GPHN: variants seen among roughly 807,000 people sequenced by gnomAD.
GPHN encodes the protein gephyrin.
A neutral mutation model predicts 95.5 loss-of-function variants in GPHN; 17 were observed. The observed-to-expected ratio is 0.18, with a 90% CI of 0.12 to 0.27. The LOEUF is 0.27. Among genes scored for constraint, GPHN ranks in the 10% least tolerant of loss-of-function variants. The probability of loss-of-function intolerance (pLI) is 1.00; values close to 1 mark genes in which losing one functional copy is unlikely to be tolerated. For synonymous variants in GPHN, 320 were observed against 322.5 expected, an observed-to-expected ratio of 0.99 and a Z score of 0.08; for missense variants, 660 against 978.1, an observed-to-expected ratio of 0.67 and a Z score of 4.34.
the GPHN span, chr14:67,559,639 T>C: frequency 1.2e-6 from 2 of 1,605,116 alleles, no homozygotes; most frequent in Non-Finnish European, 1.7e-6. Flanking sequence ...GCAAAAACTG[T>C]TCAAGAAAAA....
At chr14:67,076,826 A>G (rs972859533) in intron 11 of GPHN, among the ~76,000 whole-genome samples, 1 of 152,134 alleles carries the variant, frequency 6.6e-6, no homozygotes, top group Admixed American at 6.6e-5. Context: ...TCAGCATTCT[A>G]TTACCTACCA....
At chr14:67,328,520 G>A in the GPHN span, among the ~76,000 whole-genome samples, 2 of 152,124 alleles carry the variant, frequency 1.3e-5, no homozygotes, top group Admixed American at 6.5e-5. Context: ...TGTTGCCATT[G>A]CTTTTGGTGT....
the GPHN span, chr14:67,663,089 A>G: frequency 2.7e-6 from 4 of 1,494,880 alleles, no homozygotes; most frequent in African/African-American, 1.4e-5. Context: ...GGCACCGGCA[A>G]TGACTTGAAC....
At chr14:66,508,776 C>A (rs1226185804) in intron 1 of GPHN, among the ~76,000 whole-genome samples, 185 bp downstream of exon 1, 1 of 152,192 alleles carries the variant, frequency 6.6e-6, no homozygotes, top group Non-Finnish European at 1.5e-5. Flanking sequence ...CGGGTCCCCT[C>A]CCCCAGGCCC....
At chr14:66,807,643 C>T (rs2060599923) in intron 3 of GPHN, among the ~76,000 whole-genome samples, 1 of 152,224 alleles carries the variant, frequency 6.6e-6, no homozygotes, top group African/African-American at 2.4e-5. Flanking sequence ...ACCTTCCCTT[C>T]TCCCAAAGGT....
chr14:67,009,757 G>A (rs1357000186), intron 9 of GPHN, among the ~76,000 whole-genome samples: 1 of 151,750 alleles, frequency 6.6e-6, no homozygotes, highest in South Asian at 2.1e-4. Flanking sequence ...GAGTTTCTGG[G>A]GTTTTTTATT....
chr14:67,086,649 C>CGAA (rs1555487041), intron 11 of GPHN, among the ~76,000 whole-genome samples: 2 of 84,588 alleles, frequency 2.4e-5, no homozygotes, highest in Non-Finnish European at 4.6e-5. Context: ...GACTCTGTCT[C>CGAA]AAAAAAAAAA....
At chr14:67,274,090 G>T in the GPHN span, among the ~76,000 whole-genome samples, 2 of 152,100 alleles carry the variant, frequency 1.3e-5, no homozygotes, top group African/African-American at 2.4e-5. Context: ...CACTCTGATG[G>T]TAGTTTCTTT....
At chr14:66,829,559 A>G (rs2061507266) in intron 4 of GPHN, among the ~76,000 whole-genome samples, 1 of 152,204 alleles carries the variant, frequency 6.6e-6, no homozygotes, top group Non-Finnish European at 1.5e-5. Context: ...GTATTATTAC[A>G]TAAAGGATCT....
intron 2 of GPHN, among the ~76,000 whole-genome samples, chr14:66,686,407 A>G (rs2067364326): frequency 6.6e-6 from 1 of 151,932 alleles, no homozygotes; most frequent in African/African-American, 2.4e-5. Context: ...CCATTTGTTT[A>G]TGTTCTCTTT....
chr14:67,218,769 G>A, the GPHN span, among the ~76,000 whole-genome samples: 4 of 151,982 alleles, frequency 2.6e-5, no homozygotes, highest in Admixed American at 6.5e-5. Context: ...GCTGTTTAGA[G>A]GTTCAGGGGT....
intron 1 of GPHN, chr14:66,508,987 A>G: frequency 3.6e-6 from 1 of 279,374 alleles, no homozygotes; most frequent in Non-Finnish European, 7.0e-6. Flanking sequence ...AGTGCTCTTC[A>G]GAGAGAGGGG....
intron 3 of GPHN, among the ~76,000 whole-genome samples, chr14:66,822,425 G>T (rs551074779): frequency 2.6e-5 from 4 of 152,206 alleles, no homozygotes; most frequent in Non-Finnish European, 4.4e-5. Flanking sequence ...CTATACCAAA[G>T]AGGTGAGACC....
chr14:66,952,682 G>C (rs1325015082), intron 8 of GPHN, among the ~76,000 whole-genome samples: 2 of 151,996 alleles, frequency 1.3e-5, no homozygotes, highest in African/African-American at 4.8e-5. Context: ...ATCCCTGCCA[G>C]CATTTGCTTT....
intron 2 of GPHN, among the ~76,000 whole-genome samples, chr14:66,770,905 T>C (rs1036221023): frequency 6.6e-6 from 1 of 152,134 alleles, no homozygotes; most frequent in Non-Finnish European, 1.5e-5. Flanking sequence ...AAAAACAGTA[T>C]GTAGAGAGTT....
Position 66,951,767 on chromosome 14 carries a change from T to C in GPHN, c.829-13424T>C, listed in dbSNP as rs1192823724. 5.9e-5 allele frequency among the ~76,000 whole-genome samples: 9 copies of C among 152,228 alleles called. No homozygotes were observed. In the East Asian group the frequency reaches 1.7e-3, roughly 29 times the overall value. On this transcript the variant is annotated intron_variant, in intron 8 of 22. Coordinates refer to ENST00000478722, the MANE Select transcript of GPHN (RefSeq NM_020806.5). ...AAAGCCCAAAACACACCAACACACA[T>C]ATGGTCACTTATTGTATGATAATTT...
chr14:67,505,262 G>C, the GPHN span, among the ~76,000 whole-genome samples: 1,746 of 152,260 alleles, frequency 0.011, 46 homozygotes, highest in African/African-American at 0.04. Flanking sequence ...GTTGCTGTTA[G>C]TGTGCTGTGA....
At chr14:66,867,329 T>G (rs943956866) in intron 4 of GPHN, among the ~76,000 whole-genome samples, 2 of 152,206 alleles carry the variant, frequency 1.3e-5, no homozygotes, top group East Asian at 3.8e-4. Flanking sequence ...GAAAGTTGTT[T>G]GTAACTAAAA....
At chr14:67,126,995 G>A (rs1165272198) in intron 17 of GPHN, among the ~76,000 whole-genome samples, 1 of 151,168 alleles carries the variant, frequency 6.6e-6, no homozygotes, top group African/African-American at 2.4e-5. Flanking sequence ...CTATCGCAAG[G>A]ACAAAAAACC....
Sources: gnomAD v4.1 joint callset for allele counts (sites outside exome capture counted in the v4.1 genomes callset) on GRCh38, gnomAD v4.1.1 for gene constraint, MANE v1.5 for transcripts, NCBI Gene and HGNC (gene_info 2026-07-23, HGNC 2026-07-21) for gene names.